TRPC7: variants seen among roughly 807,000 people sequenced by gnomAD.
TRPC7 encodes the protein short transient receptor potential channel 7.
TRPC7 carries 42 observed loss-of-function variants against 90.1 expected under a neutral mutation model. The ratio of observed to expected loss-of-function variants is 0.47; its 90% confidence interval spans 0.36 to 0.60. The LOEUF is 0.60. Among genes scored for constraint, TRPC7 ranks in the 20% least tolerant of loss-of-function variants. The pLI, the probability that TRPC7 is intolerant of heterozygous loss-of-function variation, is 0.00. For missense variants in TRPC7, 955 were observed against 1,112.3 expected (o/e 0.86, Z 2.01); for synonymous variants, 451 against 436.3 (o/e 1.03, Z -0.42).
chr5:136,230,433 C>T (rs1755778732), intron 8 of TRPC7, among the ~76,000 whole-genome samples: 1 of 152,164 alleles, frequency 6.6e-6, no homozygotes, highest in Non-Finnish European at 1.5e-5. Flanking sequence ...GAATCACATT[C>T]CCTTTTCTTT....
Position 136,226,083 on chromosome 5 carries a change from T to C in TRPC7, c.2213A>G (p.Lys738Arg). The C allele has an allele frequency of 6.2e-7, 1 of 1,605,410 alleles. No individual in the cohort carries two copies. The highest frequency in any genetic ancestry group is 8.5e-7 in the Non-Finnish European group (1 of 1,175,510). Reference sequence around the variant, plus strand: ...CATTTCAAGGTCATTTTCACAGCTTTTGGCCTTAGATTTGCAGAGTTTTAT... The same window carrying C: ...CATTTCAAGGTCATTTTCACAGCTTCTGGCCTTAGATTTGCAGAGTTTTAT... ...CLIKLCKSKA[K>R]SCENDLEMGM... Residue 738 changes from lysine to arginine, a missense_variant, in exon 9 of 12, where the codon AAA (lysine) becomes AGA (arginine). Physicochemically the swap from Lys to Arg is conservative, Grantham distance 26. Transcript: ENST00000513104.
At position 136,269,389 on chromosome 5, in the gene TRPC7, G is replaced by A. The variant is rs993545143; in HGVS notation, c.1129-2953C>T. On this transcript the variant is annotated intron_variant, in intron 4 of 11. Coordinates refer to ENST00000513104, the MANE Select transcript of TRPC7 (RefSeq NM_020389.3). Reference sequence around the variant, plus strand: ...ATGGACCTTTGGGGTGGGCACCTGCGTTTACTGGTCAGCACCAACTCTGTG... The same window carrying A: ...ATGGACCTTTGGGGTGGGCACCTGCATTTACTGGTCAGCACCAACTCTGTG... Among the ~76,000 whole-genome samples, 15 of 152,308 alleles carry A rather than the reference G, an allele frequency of 9.8e-5. No homozygotes were observed. The South Asian group carries it at 1.2e-3, about 13-fold the overall frequency.
chr5:136,224,053 A>G (rs546996686), intron 10 of TRPC7, among the ~76,000 whole-genome samples: 1 of 152,350 alleles, frequency 6.6e-6, no homozygotes, highest in South Asian at 2.1e-4. Context: ...CTTCTGAAAT[A>G]TGGTTGGAGA....
At chr5:136,264,519 T>G (rs1455297119) in intron 5 of TRPC7, among the ~76,000 whole-genome samples, 1 of 152,124 alleles carries the variant, frequency 6.6e-6, no homozygotes, top group Non-Finnish European at 1.5e-5. Context: ...TAACAAACTT[T>G]AATGTCCCTT....
chr5:136,222,024 TA>T (rs765353408), intron 10 of TRPC7: 2 of 152,176 alleles, frequency 1.3e-5, no homozygotes, highest in Non-Finnish European at 2.9e-5. Context: ...GGATGAGGCA[TA>T]CTTTGGCCAT....
chr5:136,237,598 G>A (rs1185584739), intron 7 of TRPC7, among the ~76,000 whole-genome samples: 1 of 152,168 alleles, frequency 6.6e-6, no homozygotes, highest in South Asian at 2.1e-4. Context: ...TTGAGTATAC[G>A]TTTTTGGCCA....
rs148369385 is a variant in TRPC7, at chr5:136,327,658, T to C, written c.781-11879A>G. ...TTCTGAGGGGTGACTTGGGAGACAG[T>C]GGCTTCCCACGGTGAGGACCCATAG... On this transcript the variant is annotated intron_variant, in intron 2 of 11. Coordinates refer to ENST00000513104, the MANE Select transcript of TRPC7 (RefSeq NM_020389.3). Among the ~76,000 whole-genome samples, 1,135 of 152,290 alleles carry C rather than the reference T, an allele frequency of 7.5e-3. 17 individuals are homozygous for C. The highest frequency in any genetic ancestry group is 0.026 in the African/African-American group (1,095 of 41,554).
At chr5:136,346,109 T>G (rs1167079470) in intron 2 of TRPC7, among the ~76,000 whole-genome samples, 2 of 152,130 alleles carry the variant, frequency 1.3e-5, no homozygotes, top group African/African-American at 4.8e-5. Context: ...AGGGACAGCA[T>G]TAGGAGATAT....
At chr5:136,285,166 A>G (rs575486775) in intron 3 of TRPC7, among the ~76,000 whole-genome samples, 1 of 152,328 alleles carries the variant, frequency 6.6e-6, no homozygotes, top group South Asian at 2.1e-4. Flanking sequence ...GAGTCGTGCT[A>G]AGATGAAGAC....
chr5:136,258,302 A>G lies in TRPC7; in HGVS notation c.1346-6420T>C, dbSNP rs533651390. Among the ~76,000 whole-genome samples, 177 of 152,344 alleles carry G rather than the reference A, an allele frequency of 1.2e-3. 1 individual carries two copies. Among genetic ancestry groups the G allele is most frequent in the Admixed American group, 2.5e-3 (39 of 15,306 alleles). On this transcript the variant is annotated intron_variant, in intron 5 of 11. Transcript: ENST00000513104. Reference sequence around the variant, plus strand: ...GTTTGGGCAGCAGGAATGCTTAATGAAAAAGGAATTGTGTGAAATTAAGTA... The same window carrying G: ...GTTTGGGCAGCAGGAATGCTTAATGGAAAAGGAATTGTGTGAAATTAAGTA...
intron 2 of TRPC7, among the ~76,000 whole-genome samples, chr5:136,354,840 G>A (rs927965025): frequency 2.6e-5 from 4 of 152,240 alleles, no homozygotes; most frequent in South Asian, 2.1e-4. Context: ...CTGCTCTGGC[G>A]CATTCTGAGA....
At chr5:136,327,171 C>T (rs1759369714) in intron 2 of TRPC7, among the ~76,000 whole-genome samples, 1 of 151,992 alleles carries the variant, frequency 6.6e-6, no homozygotes, top group Non-Finnish European at 1.5e-5. Flanking sequence ...TATTGAGGTG[C>T]CAAGAATTTA....
At chr5:136,309,753 G>A (rs530530480) in intron 3 of TRPC7, among the ~76,000 whole-genome samples, 188 of 152,306 alleles carry the variant, frequency 1.2e-3, no homozygotes, top group Middle Eastern at 3.4e-3. Flanking sequence ...GTTCCAAATG[G>A]AAATAAGATG....
chr5:136,291,957 G>A (rs1454481101), intron 3 of TRPC7, among the ~76,000 whole-genome samples: 1 of 152,146 alleles, frequency 6.6e-6, no homozygotes, highest in Non-Finnish European at 1.5e-5. Context: ...AGACCACAGT[G>A]CAATCAAACT....
At chr5:136,214,162 AG>A (rs939199410) in intron 11 of TRPC7, 2 of 152,642 alleles carry the variant, frequency 1.3e-5, no homozygotes, top group African/African-American at 4.8e-5. Flanking sequence ...AGCCCACACA[AG>A]CAGCAGCACC....
chr5:136,340,826 C>T (rs1025124158), intron 2 of TRPC7, among the ~76,000 whole-genome samples: 64 of 151,768 alleles, frequency 4.2e-4, no homozygotes, highest in African/African-American at 1.1e-3. Context: ...CAAAAGACAC[C>T]GGAAGACAAT....
chr5:136,235,789 C>T (rs1755961384), intron 7 of TRPC7, among the ~76,000 whole-genome samples: 1 of 152,206 alleles, frequency 6.6e-6, no homozygotes, highest in African/African-American at 2.4e-5. Context: ...CAACTACTGG[C>T]TCTACAACCT....
intron 2 of TRPC7, among the ~76,000 whole-genome samples, chr5:136,349,561 C>G (rs1172078062): frequency 6.6e-6 from 1 of 151,838 alleles, no homozygotes; most frequent in Admixed American, 6.6e-5. Context: ...TCACCAACAC[C>G]CTGGGAGGTC....
chr5:136,214,069 T>C (rs984948633), intron 11 of TRPC7: 33 of 158,338 alleles, frequency 2.1e-4, no homozygotes, highest in Non-Finnish European at 3.5e-4. Context: ...AGAGAATGGC[T>C]CGGCACAGCA....
Sources: gnomAD v4.1 joint callset for allele counts (sites outside exome capture counted in the v4.1 genomes callset) on GRCh38, gnomAD v4.1.1 for gene constraint, MANE v1.5 for transcripts, NCBI Gene and HGNC (gene_info 2026-07-23, HGNC 2026-07-21) for gene names.